The following LRMDA variants were observed in gnomAD, a reference collection of about 807,000 sequenced individuals.
The protein encoded by LRMDA is leucine-rich melanocyte differentiation-associated protein.
A neutral mutation model predicts 29.8 loss-of-function variants in LRMDA; 18 were observed. The observed-to-expected ratio is 0.60, with a 90% confidence interval of 0.42 to 0.90. The LOEUF (loss-of-function observed/expected upper bound fraction) is 0.90. Among genes scored for constraint, LRMDA ranks in the 40% least tolerant of loss-of-function variants. The probability of loss-of-function intolerance (pLI) is 0.00; values close to 1 mark genes in which losing one functional copy is unlikely to be tolerated. For synonymous variants in LRMDA, 125 were observed against 109.4 expected, an observed-to-expected ratio of 1.14 and a Z score of -0.89; for missense variants, 273 against 273.9, an observed-to-expected ratio of 1.00 and a Z score of 0.02.
At chr10:75,960,162 G>A (rs560708710) in intron 2 of LRMDA, among the ~76,000 whole-genome samples, 4 of 152,270 alleles carry the variant, frequency 2.6e-5, no homozygotes, top group South Asian at 2.1e-4. Context: ...TTAGCTATGT[G>A]AGTGGCTATT....
chr10:76,082,829 G>C (rs1220760990), intron 5 of LRMDA, among the ~76,000 whole-genome samples: 1 of 152,172 alleles, frequency 6.6e-6, no homozygotes, highest in South Asian at 2.1e-4. Flanking sequence ...TCCACTCTAA[G>C]ATAAATATCC....
chr10:76,087,318 C>T (rs1849153441), intron 5 of LRMDA, among the ~76,000 whole-genome samples: 1 of 152,186 alleles, frequency 6.6e-6, no homozygotes, highest in East Asian at 1.9e-4. Context: ...TTGCCACTTA[C>T]TTGTTCTGCG....
At chr10:75,551,159 T>C (rs2132054718) in intron 2 of LRMDA, among the ~76,000 whole-genome samples, 1 of 149,480 alleles carries the variant, frequency 6.7e-6, no homozygotes, top group African/African-American at 2.5e-5. Context: ...TGCAGTCAGC[T>C]ATCTTTTTTT....
chr10:76,412,534 G>A (rs1841973234), intron 6 of LRMDA, among the ~76,000 whole-genome samples: 1 of 152,084 alleles, frequency 6.6e-6, no homozygotes, highest in African/African-American at 2.4e-5. Context: ...TCCTTTCTCT[G>A]GGGGACTCTG....
rs909837074 is a variant in LRMDA, at chr10:76,551,637, T to C, written c.602-5572T>C. Among the ~76,000 whole-genome samples, 4 of 152,294 alleles carry C rather than the reference T, an allele frequency of 2.6e-5. 1 individual carries two copies. The South Asian group carries it at 8.3e-4, about 32-fold the overall frequency. On this transcript the variant is annotated intron_variant, in intron 6 of 6. Transcript: ENST00000611255. ...GATTTACAATAATTTCAACTTACAA[T>C]AGGTTTATTGGGATGTAGCTCCATG...
At chr10:75,801,439 A>G (rs1347570505) in intron 2 of LRMDA, among the ~76,000 whole-genome samples, 4 of 152,086 alleles carry the variant, frequency 2.6e-5, no homozygotes, top group African/African-American at 7.2e-5. Flanking sequence ...ATATCACCCA[A>G]TATGGTTCTC....
chr10:75,798,183 A>G (rs1843687703), intron 2 of LRMDA, among the ~76,000 whole-genome samples: 1 of 152,076 alleles, frequency 6.6e-6, no homozygotes, highest in Admixed American at 6.5e-5. Context: ...CTGAGTTACA[A>G]GTGTTCCTTG....
intron 5 of LRMDA, among the ~76,000 whole-genome samples, chr10:76,121,106 G>A (rs1010249351): frequency 4.6e-5 from 7 of 151,668 alleles, no homozygotes; most frequent in South Asian, 2.1e-4. Flanking sequence ...CCACCCGCAC[G>A]TAGGATCTCA....
chr10:75,566,384 C>G (rs1400621801), intron 2 of LRMDA, among the ~76,000 whole-genome samples: 1 of 152,182 alleles, frequency 6.6e-6, no homozygotes, highest in Non-Finnish European at 1.5e-5. Flanking sequence ...CTCATGGGAA[C>G]TTGTTAGAAA....
At chr10:76,252,302 A>T (rs1434035850) in intron 5 of LRMDA, among the ~76,000 whole-genome samples, 2 of 152,204 alleles carry the variant, frequency 1.3e-5, no homozygotes, top group Non-Finnish European at 2.9e-5. Context: ...AAAGAGGAAA[A>T]AAGGATTGCA....
chr10:76,147,418 G>A (rs955675151), intron 5 of LRMDA, among the ~76,000 whole-genome samples: 21 of 151,878 alleles, frequency 1.4e-4, no homozygotes, highest in East Asian at 3.9e-4. Flanking sequence ...TTCTCTTCTC[G>A]CTTCATTTCA....
chr10:75,498,643 T>G (rs1053201274), intron 2 of LRMDA, among the ~76,000 whole-genome samples: 2 of 152,100 alleles, frequency 1.3e-5, no homozygotes, highest in Admixed American at 6.5e-5. Flanking sequence ...TTGGAAGGAT[T>G]AAGGGATTGA....
intron 2 of LRMDA, among the ~76,000 whole-genome samples, chr10:75,608,732 C>T (rs1410183758): frequency 6.6e-6 from 1 of 152,162 alleles, no homozygotes; most frequent in Non-Finnish European, 1.5e-5. Context: ...TATTGTGAGC[C>T]TGCAACTGTG....
rs1359271563 is a variant in LRMDA at position 75,490,329 on chromosome 10, GTACACA to G, written c.131+51842_131+51847del. 2.1e-3 allele frequency among the ~76,000 whole-genome samples: 208 copies of G among 99,652 alleles called. 2 individuals are homozygous for G. Among genetic ancestry groups the G allele is most frequent in the South Asian group, 0.019 (57 of 2,962 alleles). The allele number at this position is 99,652 out of a possible 152,430, so 65.4% of individuals were successfully genotyped here. A position where few individuals can be genotyped will look rare whatever the true frequency, so the allele number is the denominator to read the frequency against. ...GAATATGTATGTGCATATATGACAT[GTACACA>G]TACACACACACACACACACACACAC... On this transcript the variant is annotated intron_variant, in intron 2 of 6. Coordinates refer to ENST00000611255, the MANE Select transcript of LRMDA (RefSeq NM_001305581.2).
At chr10:75,928,482 T>A (rs969197851) in intron 2 of LRMDA, among the ~76,000 whole-genome samples, 1 of 152,142 alleles carries the variant, frequency 6.6e-6, no homozygotes. Context: ...TCTTCCTTTA[T>A]TACCTCAGCA....
chr10:76,076,255 A>T (rs1212747808), intron 5 of LRMDA, among the ~76,000 whole-genome samples: 1 of 145,644 alleles, frequency 6.9e-6, no homozygotes, highest in Non-Finnish European at 1.5e-5. Context: ...AGGCAGGAGA[A>T]TGGCGTGAAC....
intron 2 of LRMDA, among the ~76,000 whole-genome samples, chr10:75,545,361 G>A (rs1235104836): frequency 6.6e-6 from 1 of 152,118 alleles, no homozygotes; most frequent in Non-Finnish European, 1.5e-5. Context: ...TTTGAGAATT[G>A]TGCAGCTTCC....
chr10:76,014,105 A>AAGT (rs1847832851), intron 2 of LRMDA, among the ~76,000 whole-genome samples: 1 of 118,896 alleles, frequency 8.4e-6, no homozygotes, highest in African/African-American at 3.6e-5. Context: ...AAAAAAAAAA[A>AAGT]GTATATATAT....
chr10:75,811,236 T>C (rs1264541416), intron 2 of LRMDA, among the ~76,000 whole-genome samples: 1 of 152,200 alleles, frequency 6.6e-6, no homozygotes, highest in Non-Finnish European at 1.5e-5. Flanking sequence ...GTTGCCTGTC[T>C]GGTTATTCTC....
Sources: allele counts gnomAD v4.1 joint callset (sites outside exome capture counted in the v4.1 genomes callset), GRCh38; gene constraint gnomAD v4.1.1; transcripts MANE v1.5; gene names NCBI Gene and HGNC (gene_info 2026-07-23, HGNC 2026-07-21).